ELF1: variants seen among roughly 807,000 people sequenced by gnomAD.
ELF1 encodes ETS-related transcription factor Elf-1.
A neutral mutation model predicts 59.9 loss-of-function variants in ELF1; 24 were observed. The observed-to-expected ratio is 0.40, with a 90% CI of 0.29 to 0.56. ELF1 has a LOEUF of 0.56. Ranked by LOEUF, ELF1 falls within the 20% of genes least tolerant of loss-of-function variation. The pLI, the probability that ELF1 is intolerant of heterozygous loss-of-function variation, is 0.44. For missense variants in ELF1, 627 were observed against 742.2 expected (o/e 0.84, Z 1.80); for synonymous variants, 248 against 266.2 (o/e 0.93, Z 0.67).
At chr13:41,035,844 A>AC (rs1876355966) in intron 1 of ELF1, among the ~76,000 whole-genome samples, 1 of 148,648 alleles carries the variant, frequency 6.7e-6, no homozygotes, top group African/African-American at 2.5e-5. Flanking sequence ...GTTAAAAAAA[A>AC]AACAACAACA....
In ELF1 at chr13:40,954,476, C is replaced by T. The variant is rs181027970; in HGVS notation, c.254-3040G>A. 3.5e-3 allele frequency among the ~76,000 whole-genome samples: 529 copies of T among 151,436 alleles called. 5 individuals are homozygous for T. The highest frequency in any genetic ancestry group is 0.012 in the African/African-American group (492 of 41,464). On this transcript the variant is annotated intron_variant, in intron 3 of 8. Transcript: ENST00000239882. Reference sequence around the variant, plus strand: ...CACGGTCTCCCTCTCCCTCTCTTTCCACGGTCTCCCCCTGATGCCGAGCCA... The same window carrying T: ...CACGGTCTCCCTCTCCCTCTCTTTCTACGGTCTCCCCCTGATGCCGAGCCA...
chr13:41,014,264 AG>A (rs1382957975), intron 1 of ELF1, among the ~76,000 whole-genome samples: 1 of 152,216 alleles, frequency 6.6e-6, no homozygotes, highest in African/African-American at 2.4e-5. Flanking sequence ...TCACTTTGAT[AG>A]CTTTTAATAT....
chr13:40,954,097 G>A (rs1005141504), intron 3 of ELF1, among the ~76,000 whole-genome samples: 2 of 152,288 alleles, frequency 1.3e-5, no homozygotes, highest in Non-Finnish European at 2.9e-5. Flanking sequence ...ATACAGATCA[G>A]ACAGCAATGA....
At chr13:40,943,304 A>G (rs746894796) in intron 6 of ELF1, among the ~76,000 whole-genome samples, 160 bp from the exon 7 acceptor site, 5 of 152,230 alleles carry the variant, frequency 3.3e-5, no homozygotes, top group Non-Finnish European at 5.9e-5. Context: ...TGGGTGATAT[A>G]ATGGTCATAA....
chr13:40,956,631 T>TAA (rs1465254990), intron 3 of ELF1, among the ~76,000 whole-genome samples: 3 of 145,050 alleles, frequency 2.1e-5, no homozygotes, highest in Non-Finnish European at 4.5e-5. Flanking sequence ...CAGTTAAATA[T>TAA]AATTGTTTTT....
chr13:41,048,556 T>C (rs1876956167), intron 1 of ELF1, among the ~76,000 whole-genome samples: 1 of 151,986 alleles, frequency 6.6e-6, no homozygotes, highest in Non-Finnish European at 1.5e-5. Flanking sequence ...GCTGGGATTA[T>C]GGGCACACCA....
chr13:40,940,899 A>G lies in ELF1; in HGVS notation c.1256+22T>C, dbSNP rs372298090. 129 of 1,592,188 alleles carry G rather than the reference A, an allele frequency of 8.1e-5. No individual in the cohort carries two copies. In the African/African-American group the frequency reaches 1.6e-3, roughly 20 times the overall value. ...TCAGAAACATATTGAAGTGATAAGC[A>G]TCAGTAGTTTGGTTTTCTCACCTAA... is the stretch of plus-strand genomic sequence containing the variant. On this transcript the variant is annotated intron_variant, in intron 8 of 8. Coordinates refer to ENST00000239882, the MANE Select transcript of ELF1 (RefSeq NM_172373.4).
At chr13:40,946,942 G>A (rs1403787647) in intron 5 of ELF1, among the ~76,000 whole-genome samples, 4 of 152,136 alleles carry the variant, frequency 2.6e-5, no homozygotes, top group Non-Finnish European at 5.9e-5. Flanking sequence ...TTGTTTGGGG[G>A]TAAACTGTAG....
chr13:40,961,014 A>G (rs1447364630), intron 2 of ELF1, among the ~76,000 whole-genome samples: 1 of 152,200 alleles, frequency 6.6e-6, no homozygotes, highest in African/African-American at 2.4e-5. Flanking sequence ...CTCATAGATA[A>G]TAATGCCAGG....
In ELF1 at chr13:40,976,519, G is replaced by C. The variant is rs114299761; in HGVS notation, c.72+5464C>G. Among the ~76,000 whole-genome samples the C allele has an allele frequency of 1.0e-2, 1,519 of 152,186 alleles. 33 individuals are homozygous for C. The highest frequency in any genetic ancestry group is 0.034 in the African/African-American group (1,417 of 41,544). ...AAATCACTGGGCAGCTTGTATAAAA[G>C]ACAGCAAGGCACTGTTATTCTTTTT... On this transcript the variant is annotated intron_variant, in intron 2 of 8. Coordinates refer to ENST00000239882, the MANE Select transcript of ELF1 (RefSeq NM_172373.4).
Position 40,943,054 on chromosome 13 carries a change from T to C in ELF1, c.704A>G (p.Lys235Arg). The C allele has an allele frequency of 6.2e-7, 1 of 1,613,438 alleles. No homozygotes were observed. Among genetic ancestry groups the C allele is most frequent in the Non-Finnish European group, 8.5e-7 (1 of 1,179,594 alleles). ...PKYIKWTQRE[K>R]GIFKLVDSKA... is the part of the protein sequence containing the mutation. ...AGAATCCACCAATTTAAAAATGCCT[T>C]TCTCTCGCTGGGTCCACTTGATGTA... The change falls in exon 7 of 9, where the codon AAA becomes AGA. Residue 235 changes from lysine to arginine, a missense_variant. Transcript: ENST00000239882.
In ELF1 at chr13:40,958,836, C is replaced by T. The variant is rs949260327; in HGVS notation, c.253G>A (p.Val85Ile). 2 of 1,608,014 alleles carry T rather than the reference C, an allele frequency of 1.2e-6. No individual in the cohort carries two copies. Among genetic ancestry groups the T allele is most frequent in the African/African-American group, 1.3e-5 (1 of 74,904 alleles). Residue 85 changes from valine (V) to isoleucine (I), a missense_variant and splice_region_variant, in exon 3 of 9, where the codon GTT becomes ATT. By Grantham distance (29) the Val-to-Ile change is conservative (BLOSUM62 3). This residue lies in a region of ELF1 where 232 missense variants were observed against 269.2 expected (regional missense o/e 0.86). Coordinates refer to ENST00000239882, the MANE Select transcript of ELF1 (RefSeq NM_172373.4). The part of the protein sequence containing the change: ...DDDDDDITLT[V>I]EASCHDGDET... ...TCCTACTGGATGGAGACACACGCAC[C>T]TGTAAGGGTGATGTCATCATCATCA...
intron 2 of ELF1, among the ~76,000 whole-genome samples, chr13:40,962,019 G>A (rs1195603579): frequency 1.3e-5 from 2 of 152,208 alleles, no homozygotes; most frequent in African/African-American, 4.8e-5. Context: ...AGTCTATACA[G>A]TTCTTGAGTT....
chr13:40,940,946 A>G lies in ELF1; in HGVS notation c.1231T>C (p.Leu411=). 2 of 1,613,124 alleles carry G rather than the reference A, an allele frequency of 1.2e-6. No homozygotes were observed. Among genetic ancestry groups the G allele is most frequent in the Non-Finnish European group, 1.7e-6 (2 of 1,179,484 alleles). ...CTAATACTCTGAACGGAAGAATTTA[A>G]TGTTTCATCCTGCATGGTACTGGTT... ...ARTSTMQDET[L]NSSVQSIRTI... is the part of the protein sequence containing the mutation. Residue 411 remains leucine (L), a synonymous_variant, in exon 8 of 9, where the codon TTA becomes CTA. Coordinates refer to ENST00000239882, the MANE Select transcript of ELF1 (RefSeq NM_172373.4).
At chr13:40,972,469 C>T (rs1872618019) in intron 2 of ELF1, among the ~76,000 whole-genome samples, 3 of 152,180 alleles carry the variant, frequency 2.0e-5, no homozygotes, top group African/African-American at 4.8e-5. Context: ...CAAAACAAAA[C>T]GATCTGAATG....
At chr13:40,941,550 A>AT (rs1360257087) in intron 7 of ELF1, among the ~76,000 whole-genome samples, 180 bp from the exon 8 acceptor site, 1 of 152,228 alleles carries the variant, frequency 6.6e-6, no homozygotes, top group African/African-American at 2.4e-5. Flanking sequence ...ACAGATAGAG[A>AT]TAAGTTCTTA....
rs140582834 is a variant in ELF1 at position 41,016,548 on chromosome 13, T to G, written c.-229+2680A>C. ...CACCTCTGGATTTTGTAAAGTCACA[T>G]GCAAAGTTTTACACATACACATATT... On this transcript the variant is annotated intron_variant, in intron 1 of 8. Coordinates refer to ENST00000239882, the MANE Select transcript of ELF1 (RefSeq NM_172373.4). Among the ~76,000 whole-genome samples, 1,076 of 152,254 alleles carry G rather than the reference T, an allele frequency of 7.1e-3. 7 individuals are homozygous for G. The highest frequency in any genetic ancestry group is 0.017 in the African/African-American group (701 of 41,548).
chr13:40,989,432 T>C (rs1873724790), intron 1 of ELF1, among the ~76,000 whole-genome samples: 1 of 152,240 alleles, frequency 6.6e-6, no homozygotes, highest in Admixed American at 6.5e-5. Context: ...TTAAGAAAGT[T>C]GAGAGAAAGT....
chr13:41,008,816 T>G (rs1167681783), intron 1 of ELF1, among the ~76,000 whole-genome samples: 4 of 152,162 alleles, frequency 2.6e-5, no homozygotes, highest in Non-Finnish European at 5.9e-5. Context: ...TTCATATTCT[T>G]CAACAAAAGC....
Sources: gnomAD v4.1 joint callset for allele counts (sites outside exome capture counted in the v4.1 genomes callset) on GRCh38, gnomAD v4.1.1 for gene constraint, gnomAD v4.1.1 regional missense constraint, MANE v1.5 for transcripts, NCBI Gene and HGNC (gene_info 2026-07-23, HGNC 2026-07-21) for gene names.